The following LRP1B variants were observed in gnomAD, a reference collection of about 807,000 sequenced individuals.
LRP1B encodes the protein low-density lipoprotein receptor-related protein 1B.
A neutral mutation model predicts 556.6 loss-of-function variants in LRP1B; 217 were observed. The observed-to-expected ratio is 0.39, with a 90% CI of 0.35 to 0.44. The LOEUF is 0.44. Ranked by LOEUF, LRP1B falls within the 20% of genes least tolerant of loss-of-function variation. The probability of loss-of-function intolerance (pLI) is 1.00; values close to 1 mark genes in which losing one functional copy is unlikely to be tolerated. For missense variants in LRP1B, 5,053 were observed against 5,620.8 expected, an observed-to-expected ratio of 0.90 and a Z score of 3.23; for synonymous variants, 2,047 against 1,865.8, an observed-to-expected ratio of 1.10 and a Z score of -2.50.
intron 79 of LRP1B, among the ~76,000 whole-genome samples, chr2:140,333,035 A>G (rs946401608): frequency 6.6e-6 from 1 of 152,054 alleles, no homozygotes; most frequent in Non-Finnish European, 1.5e-5. Flanking sequence ...TTTGCATTTG[A>G]GTCACCTTAC....
intron 9 of LRP1B, 143 bp downstream of exon 9, chr2:141,058,740 C>T (rs1699254919): frequency 1.9e-6 from 1 of 516,276 alleles, no homozygotes. Flanking sequence ...AGCTCTATTC[C>T]ATTTAACAAG....
At chr2:141,169,331 TAAA>T (rs1558907502) in intron 7 of LRP1B, among the ~76,000 whole-genome samples, 2 of 144,936 alleles carry the variant, frequency 1.4e-5, no homozygotes, top group Non-Finnish European at 3.0e-5. Context: ...AATAAATAAA[TAAA>T]TAAAGAAGAG....
At chr2:141,352,435 T>C (rs113979743) in intron 3 of LRP1B, among the ~76,000 whole-genome samples, 3,315 of 152,006 alleles carry the variant, frequency 0.022, 62 homozygotes, top group Non-Finnish European at 0.033. Flanking sequence ...GCAATGATAG[T>C]ACAGAGTTTT....
chr2:140,863,072 AG>A (rs1190698007), intron 27 of LRP1B, among the ~76,000 whole-genome samples: 3 of 152,088 alleles, frequency 2.0e-5, no homozygotes, highest in Non-Finnish European at 4.4e-5. Context: ...GTTTGCCTAC[AG>A]TAGGTTGTGG....
At chr2:140,748,591 GTATATATATATA>G (rs70988428) in intron 35 of LRP1B, among the ~76,000 whole-genome samples, 32 of 73,326 alleles carry the variant, frequency 4.4e-4, no homozygotes, top group South Asian at 5.4e-4. Flanking sequence ...TATACAGTGT[GTATATATATATA>G]TATATATATA....
chr2:141,946,935 A>G (rs1700969363), intron 1 of LRP1B, among the ~76,000 whole-genome samples: 1 of 152,164 alleles, frequency 6.6e-6, no homozygotes, highest in African/African-American at 2.4e-5. Flanking sequence ...AAAACCAAGA[A>G]CAAAATTGTT....
intron 2 of LRP1B, among the ~76,000 whole-genome samples, chr2:141,799,110 T>C (rs1222121612): frequency 6.6e-6 from 1 of 151,852 alleles, no homozygotes; most frequent in Non-Finnish European, 1.5e-5. Flanking sequence ...AGCCACCCAG[T>C]GTGTGGTGTT....
At chr2:141,408,429 C>T (rs1690720821) in intron 3 of LRP1B, among the ~76,000 whole-genome samples, 1 of 151,980 alleles carries the variant, frequency 6.6e-6, no homozygotes, top group African/African-American at 2.4e-5. Flanking sequence ...CAGGCGTGAG[C>T]CACCACACCT....
intron 7 of LRP1B, among the ~76,000 whole-genome samples, chr2:141,179,030 A>G (rs1310102950): frequency 2.0e-5 from 3 of 152,132 alleles, no homozygotes; most frequent in Non-Finnish European, 4.4e-5. Context: ...ATATTCAGGC[A>G]AAGCTTAGTG....
At chr2:141,538,454 A>T (rs1450423937) in intron 2 of LRP1B, among the ~76,000 whole-genome samples, 1 of 151,962 alleles carries the variant, frequency 6.6e-6, no homozygotes, top group Non-Finnish European at 1.5e-5. Context: ...ATTCTACCAA[A>T]TCATCACTCA....
At chr2:140,445,325 C>G (rs1256065672) in intron 63 of LRP1B, among the ~76,000 whole-genome samples, 2 of 152,008 alleles carry the variant, frequency 1.3e-5, no homozygotes, top group African/African-American at 4.8e-5. Flanking sequence ...CCATGTTGGC[C>G]AGGCTGGTCT....
intron 35 of LRP1B, among the ~76,000 whole-genome samples, chr2:140,742,379 C>A (rs898586463): frequency 2.0e-5 from 3 of 152,110 alleles, no homozygotes; most frequent in African/African-American, 7.2e-5. Flanking sequence ...AAAAGTCAAT[C>A]ATTATTATCA....
rs112515042 is a variant in LRP1B at position 140,269,776 on chromosome 2, T to C, written c.13247+466A>G. On this transcript the variant is annotated intron_variant, in intron 86 of 90. Transcript: ENST00000389484. The stretch of plus-strand genomic sequence containing the variant: ...TGAGAAACTCAGACACTCAAGTTAT[T>C]CTAAAGGAGCCAGGGGCTTAATAGG... 4.4e-3 allele frequency among the ~76,000 whole-genome samples: 670 copies of C among 152,078 alleles called. 9 individuals carry two copies. The highest frequency in any genetic ancestry group is 0.015 in the African/African-American group (632 of 41,532).
At chr2:141,319,900 C>T (rs968665334) in intron 3 of LRP1B, among the ~76,000 whole-genome samples, 1 of 152,018 alleles carries the variant, frequency 6.6e-6, no homozygotes, top group African/African-American at 2.4e-5. Flanking sequence ...AGATTTTTAA[C>T]CTTAATATGA....
chr2:142,096,199 A>G (rs1287996331), intron 1 of LRP1B, among the ~76,000 whole-genome samples: 4 of 151,708 alleles, frequency 2.6e-5, no homozygotes, highest in African/African-American at 9.7e-5. Context: ...GAAATTTATC[A>G]GTTTTGTGGG....
intron 41 of LRP1B, chr2:140,683,247 C>G: frequency 3.1e-6 from 1 of 326,756 alleles, no homozygotes; most frequent in South Asian, 2.6e-5. Context: ...TCTGTGTATC[C>G]CAGATGAGGG....
chr2:141,692,712 C>A (rs1013092926), intron 2 of LRP1B, among the ~76,000 whole-genome samples: 1 of 151,914 alleles, frequency 6.6e-6, no homozygotes, highest in Non-Finnish European at 1.5e-5. Context: ...AATGTACTTA[C>A]CAAACATAGA....
intron 35 of LRP1B, among the ~76,000 whole-genome samples, chr2:140,745,960 A>T (rs889050914): frequency 5.3e-5 from 8 of 152,204 alleles, no homozygotes; most frequent in Non-Finnish European, 1.0e-4. Context: ...TGTGATATGC[A>T]TTCCAACAAT....
At chr2:141,404,746 G>A (rs888889558) in intron 3 of LRP1B, among the ~76,000 whole-genome samples, 2 of 152,102 alleles carry the variant, frequency 1.3e-5, no homozygotes, top group Admixed American at 6.5e-5. Context: ...TTTTTAGGAT[G>A]GGATTCTTAT....
Sources: allele counts gnomAD v4.1 joint callset (sites outside exome capture counted in the v4.1 genomes callset), GRCh38; gene constraint gnomAD v4.1.1; transcripts MANE v1.5; gene names NCBI Gene and HGNC (gene_info 2026-07-23, HGNC 2026-07-21).